Variants in RARB observed in about 807,000 individuals in gnomAD.
RARB encodes HBV-activated protein.
Under a neutral mutation model 51.9 loss-of-function variants are expected in RARB, and 17 were observed. That is an observed-to-expected ratio of 0.33 (90% CI 0.22 to 0.49). RARB has a LOEUF of 0.49. Ranked by LOEUF, RARB falls within the 20% of genes least tolerant of loss-of-function variation. The pLI, the probability that RARB is intolerant of heterozygous loss-of-function variation, is 0.99. For missense variants in RARB, 369 were observed against 550.8 expected (o/e 0.67, Z 3.30); for synonymous variants, 215 against 195.4 (o/e 1.10, Z -0.84).
chr3:24,853,314 C>G (rs979158249), intron 1 of RARB, among the ~76,000 whole-genome samples: 1 of 152,012 alleles, frequency 6.6e-6, no homozygotes, highest in Non-Finnish European at 1.5e-5. Flanking sequence ...GAGACTCTAT[C>G]TTAAAATAAT....
intron 5 of RARB, among the ~76,000 whole-genome samples, chr3:25,360,876 G>A (rs920041222): frequency 1.3e-5 from 2 of 152,124 alleles, no homozygotes; most frequent in Non-Finnish European, 2.9e-5. Context: ...TCCCTTTGTG[G>A]GTAACCTGAC....
intron 2 of RARB, among the ~76,000 whole-genome samples, chr3:25,021,033 G>C (rs1394515011): frequency 6.6e-6 from 1 of 152,154 alleles, no homozygotes; most frequent in Non-Finnish European, 1.5e-5. Flanking sequence ...GATTCAAAAA[G>C]TGGAGCATCT....
intron 2 of RARB, among the ~76,000 whole-genome samples, chr3:25,022,305 C>G (rs1222138087): frequency 6.6e-6 from 1 of 152,140 alleles, no homozygotes; most frequent in African/African-American, 2.4e-5. Flanking sequence ...ATTAGTTTTT[C>G]CATTTGTATA....
intron 2 of RARB, among the ~76,000 whole-genome samples, chr3:24,935,459 CCTT>C (rs1291254829): frequency 6.6e-6 from 1 of 152,022 alleles, no homozygotes; most frequent in Non-Finnish European, 1.5e-5. Flanking sequence ...TGTGTCTGAG[CCTT>C]CTTTTGTGTT....
intron 3 of RARB, among the ~76,000 whole-genome samples, chr3:25,550,102 A>G (rs556592555): frequency 6.6e-6 from 1 of 152,306 alleles, no homozygotes; most frequent in East Asian, 1.9e-4. Flanking sequence ...ATGGTACTCA[A>G]AATAAGATGA....
At chr3:25,216,365 G>A (rs1372337235) in intron 5 of RARB, among the ~76,000 whole-genome samples, 1 of 152,156 alleles carries the variant, frequency 6.6e-6, no homozygotes, top group East Asian at 1.9e-4. Flanking sequence ...ACTGGATAAA[G>A]AAAATGTAGT....
chr3:24,896,228 T>C lies in RARB; in HGVS notation c.-380+37476T>C, dbSNP rs576824820. On this transcript the variant is annotated intron_variant, in intron 2 of 11. Transcript: ENST00000383772. ...GAGGAAGGGGAGAAAGGGGAGTTAT[T>C]ATTTAACAGGTACAGAGATTTTTGG... Among the ~76,000 whole-genome samples, 3 of 152,204 alleles carry C rather than the reference T, an allele frequency of 2.0e-5. No homozygotes were observed. The South Asian group carries it at 6.2e-4, about 32-fold the overall frequency.
At chr3:25,321,861 C>G (rs1330440190) in intron 5 of RARB, among the ~76,000 whole-genome samples, 3 of 143,436 alleles carry the variant, frequency 2.1e-5, no homozygotes, top group African/African-American at 8.0e-5. Flanking sequence ...GTGATGTTCT[C>G]TAAAATTTAA....
At chr3:25,093,203 T>C (rs1699231028) in intron 3 of RARB, among the ~76,000 whole-genome samples, 2 of 152,186 alleles carry the variant, frequency 1.3e-5, no homozygotes, top group Non-Finnish European at 2.9e-5. Flanking sequence ...TGTTCAATGA[T>C]CCAGCATTAT....
Position 25,319,068 on chromosome 3 carries a change from ATAT to A in RARB, c.179-142124_179-142122del, listed in dbSNP as rs564392422. On this transcript the variant is annotated intron_variant, in intron 5 of 11. Coordinates refer to the RARB transcript ENST00000383772. ...ATAATATTAAAGATGATTTTCAATA[ATAT>A]ATTGGACCAATTTATTTGTGTTCTC... 5.9e-3 allele frequency among the ~76,000 whole-genome samples: 895 copies of A among 152,320 alleles called. 5 individuals are homozygous for A. The highest frequency in any genetic ancestry group is 0.014 in the Middle Eastern group (4 of 294).
chr3:25,206,165 C>G (rs1228640823), intron 5 of RARB, among the ~76,000 whole-genome samples: 1 of 152,192 alleles, frequency 6.6e-6, no homozygotes, highest in Non-Finnish European at 1.5e-5. Flanking sequence ...AATGTTTTCT[C>G]AAGTTCTATT....
Position 25,361,191 on chromosome 3 carries a change from T to A in RARB, c.179-100002T>A, listed in dbSNP as rs558658054. 5.5e-4 allele frequency among the ~76,000 whole-genome samples: 83 copies of A among 152,250 alleles called. 1 individual carries two copies. The highest frequency in any genetic ancestry group is 1.1e-3 in the Non-Finnish European group (75 of 68,050). On this transcript the variant is annotated intron_variant, in intron 5 of 11. Transcript: ENST00000383772. ...TTTGTTCCTTCCGTTTCATTCTTTT[T>A]TCTCTAATCTTGTCTTTACGCTTTA...
At chr3:24,918,294 T>C (rs1000058556) in intron 2 of RARB, among the ~76,000 whole-genome samples, 2 of 152,200 alleles carry the variant, frequency 1.3e-5, no homozygotes, top group African/African-American at 4.8e-5. Context: ...ATTTTCTAAC[T>C]GAAGGAGACC....
At chr3:25,406,344 C>T (rs145862966) in intron 5 of RARB, among the ~76,000 whole-genome samples, 3 of 152,150 alleles carry the variant, frequency 2.0e-5, no homozygotes, top group Non-Finnish European at 2.9e-5. Context: ...CTCAGGCTGC[C>T]GTAACAAAAT....
chr3:25,222,177 T>C (rs1701962027), intron 5 of RARB, among the ~76,000 whole-genome samples: 1 of 152,182 alleles, frequency 6.6e-6, no homozygotes, highest in South Asian at 2.1e-4. Flanking sequence ...GACTACCCAG[T>C]GCAGAAAGCA....
chr3:25,335,155 A>G (rs531095777), intron 5 of RARB, among the ~76,000 whole-genome samples: 5 of 152,210 alleles, frequency 3.3e-5, no homozygotes, highest in East Asian at 1.9e-4. Flanking sequence ...GCACAAGCAT[A>G]CTGTATAGGT....
chr3:24,988,379 C>G (rs913457810), intron 2 of RARB, among the ~76,000 whole-genome samples: 4 of 152,140 alleles, frequency 2.6e-5, no homozygotes, highest in Non-Finnish European at 5.9e-5. Flanking sequence ...CTATAAAATA[C>G]TTCAAATATA....
intron 4 of RARB, among the ~76,000 whole-genome samples, chr3:25,162,523 T>C (rs910724772): frequency 3.9e-5 from 6 of 152,182 alleles, no homozygotes; most frequent in Non-Finnish European, 7.4e-5. Context: ...ACAATCTAAT[T>C]GCAGAATATT....
At chr3:25,137,066 C>T (rs1700040906) in intron 4 of RARB, among the ~76,000 whole-genome samples, 1 of 152,016 alleles carries the variant, frequency 6.6e-6, no homozygotes, top group Non-Finnish European at 1.5e-5. Context: ...GGTACTCAAA[C>T]ACTGCTTTGA....
Sources: allele counts gnomAD v4.1 joint callset (sites outside exome capture counted in the v4.1 genomes callset), GRCh38; gene constraint gnomAD v4.1.1; transcripts MANE v1.5; gene names NCBI Gene and HGNC (gene_info 2026-07-23, HGNC 2026-07-21).